Variants in ENTPD5 observed in about 807,000 individuals in gnomAD.
ENTPD5 encodes ectonucleoside triphosphate diphosphohydrolase 5 (inactive).
ENTPD5 carries 49 observed loss-of-function variants against 60.2 expected under a neutral mutation model. The observed-to-expected ratio is 0.81, with a 90% CI of 0.65 to 1.03. The LOEUF (loss-of-function observed/expected upper bound fraction) is 1.03. ENTPD5 is among the 50% of genes least tolerant of loss of function. The probability of loss-of-function intolerance (pLI) is 0.00; values close to 1 mark genes in which losing one functional copy is unlikely to be tolerated. For missense variants in ENTPD5, 480 were observed against 507.6 expected (o/e 0.95, Z 0.52); for synonymous variants, 187 against 185.4 (o/e 1.01, Z -0.07).
downstream of ENTPD5, chr14:73,961,956 C>G: frequency 6.3e-7 from 1 of 1,599,534 alleles, no homozygotes. Context: ...ATTTCTTTTG[C>G]TTTTTTTTGA....
chr14:74,008,228 G>A (rs374357558), intron 3 of ENTPD5, among the ~76,000 whole-genome samples: 2 of 152,100 alleles, frequency 1.3e-5, no homozygotes, highest in Non-Finnish European at 2.9e-5. Context: ...TCCTGGGGGA[G>A]GGATTGAACA....
chr14:73,960,658 AG>A, downstream of ENTPD5: 1 of 967,748 alleles, frequency 1.0e-6, no homozygotes, highest in Non-Finnish European at 1.3e-6. Flanking sequence ...CTCCGCTTTC[AG>A]GAAGTTCATA....
intron 3 of ENTPD5, 107 bp downstream of exon 3, chr14:74,010,984 T>A (rs1310260052): frequency 6.2e-6 from 1 of 162,282 alleles, no homozygotes; most frequent in Non-Finnish European, 1.3e-5. Flanking sequence ...CAGTGCCTTA[T>A]GGACCCTTTT....
At chr14:73,977,522 A>G (rs2057495734) in intron 6 of ENTPD5, 148 bp from the exon 7 acceptor site, 1 of 579,976 alleles carries the variant, frequency 1.7e-6, no homozygotes, top group Non-Finnish European at 3.0e-6. Flanking sequence ...GCCCTAAGAA[A>G]CTAGAGAAGA....
At chr14:74,013,157 A>G (rs921088601) in intron 2 of ENTPD5, among the ~76,000 whole-genome samples, 2 of 152,182 alleles carry the variant, frequency 1.3e-5, no homozygotes, top group African/African-American at 2.4e-5. Context: ...TGTAGTTCTA[A>G]TAAGTTACCA....
intron 3 of ENTPD5, among the ~76,000 whole-genome samples, chr14:74,002,940 C>T (rs905930626): frequency 1.3e-5 from 2 of 152,200 alleles, no homozygotes; most frequent in Non-Finnish European, 2.9e-5. Flanking sequence ...CTGACCTCTG[C>T]GCTTATTCAC....
In ENTPD5 at chr14:74,019,240, G is replaced by A. The variant is rs2059182714; in HGVS notation, c.-238+10C>T. The A allele has an allele frequency of 1.0e-5, 2 of 199,268 alleles. No individual in the cohort carries two copies. The highest frequency in any genetic ancestry group is 2.4e-5 in the African/African-American group (1 of 42,240). 12.3% of individuals were successfully genotyped at this position (199,268 alleles called of 1,614,324 possible). On this transcript the variant is annotated intron_variant, in intron 1 of 15. Transcript: ENST00000334696. ...AGAGGATCCGGCGCCGCCGACACTC[G>A]CACACTCACCGCGCGCGCGCCACCC...
intron 3 of ENTPD5, chr14:74,003,421 G>GA: frequency 9.7e-7 from 1 of 1,031,290 alleles, no homozygotes; most frequent in Non-Finnish European, 1.4e-6. Context: ...AGGAAAAAGC[G>GA]AATGTGCAGT....
intron 14 of ENTPD5, among the ~76,000 whole-genome samples, chr14:73,971,119 A>T (rs2057205402): frequency 6.6e-6 from 1 of 151,964 alleles, no homozygotes; most frequent in African/African-American, 2.4e-5. Context: ...GTAGAAGGAA[A>T]AAAAAGGTCT....
At chr14:74,005,284 AAAAAAG>A in intron 3 of ENTPD5, among the ~76,000 whole-genome samples, 2 of 124,610 alleles carry the variant, frequency 1.6e-5, no homozygotes, top group African/African-American at 5.7e-5. Context: ...AAAAAAAAGA[AAAAAAG>A]AAAAAAAGAA....
chr14:73,975,228 G>C (rs1465939644), intron 10 of ENTPD5, among the ~76,000 whole-genome samples: 3 of 151,914 alleles, frequency 2.0e-5, no homozygotes, highest in Non-Finnish European at 4.4e-5. Context: ...CAATTCCTAG[G>C]GTCCCACACT....
rs1056584556 is a variant in ENTPD5, at chr14:73,964,698, C to G, written c.*2230G>C. On this transcript the variant is annotated 3_prime_UTR_variant, in exon 16 of 16. Transcript: ENST00000334696. ...TAGTGTTCTGTGACTGGTCTGGCACCCTACTTTTGTTGACAAAGATGGGAA... is the reference window on the plus strand; with the variant it reads ...TAGTGTTCTGTGACTGGTCTGGCACGCTACTTTTGTTGACAAAGATGGGAA... The G allele has an allele frequency of 1.8e-4, 28 of 152,088 alleles. No individual in the cohort carries two copies. The highest frequency in any genetic ancestry group is 6.8e-4 in the African/African-American group (28 of 41,406). 9.4% of individuals were successfully genotyped at this position (152,088 alleles called of 1,614,324 possible).
rs894228191 is a variant in ENTPD5 at position 73,987,921 on chromosome 14, C to T, written c.182G>A (p.Arg61Gln). The T allele has an allele frequency of 8.7e-6, 14 of 1,614,136 alleles. No individual in the cohort carries two copies. The highest frequency in any genetic ancestry group is 2.2e-5 in the East Asian group (1 of 44,880). Residue 61 changes from arginine (R) to glutamine (Q), a missense_variant, in exon 4 of 16, where the codon CGA becomes CAA. By Grantham distance (43) the Arg-to-Gln change is conservative (BLOSUM62 1). Transcript: ENST00000334696. ...IMFDAGSTGT[R>Q]IHVYTFVQKM... Reference sequence around the variant, plus strand: ...CTGCACAAAGGTGTAAACATGAATTCGAGTTCCAGTGCTCCCTGCATCAAA... The same window carrying T: ...CTGCACAAAGGTGTAAACATGAATTTGAGTTCCAGTGCTCCCTGCATCAAA...
At chr14:74,016,437 G>C (rs2059019432) in intron 1 of ENTPD5, among the ~76,000 whole-genome samples, 1 of 152,176 alleles carries the variant, frequency 6.6e-6, no homozygotes, top group South Asian at 2.1e-4. Flanking sequence ...AGGAGTTCAA[G>C]ACCAGCCTAG....
rs2056914864 is a variant in ENTPD5 at position 73,964,981 on chromosome 14, A to ATTTC, written c.*1943_*1946dup. On this transcript the variant is annotated 3_prime_UTR_variant, in exon 16 of 16. Coordinates refer to ENST00000334696, the MANE Select transcript of ENTPD5 (RefSeq NM_001249.5). ...TCTGCACTGAGTACAACATTGGATT[A>ATTTC]TTTCTTTGGGCTGTTTCCAACTCAA... is the stretch of plus-strand genomic sequence containing the variant. 3 of 152,184 alleles carry ATTTC rather than the reference A, an allele frequency of 2.0e-5. No individual in the cohort carries two copies. Among genetic ancestry groups the ATTTC allele is most frequent in the East Asian group, 1.9e-4 (1 of 5,196 alleles). 9.4% of individuals were successfully genotyped at this position (152,184 alleles called of 1,614,324 possible).
At chr14:73,998,051 A>G (rs1305140733) in intron 3 of ENTPD5, among the ~76,000 whole-genome samples, 1 of 152,168 alleles carries the variant, frequency 6.6e-6, no homozygotes, top group Non-Finnish European at 1.5e-5. Context: ...TTACAGGCAG[A>G]AAGAATGAGG....
At chr14:73,971,138 T>G (rs2057206510) in intron 14 of ENTPD5, among the ~76,000 whole-genome samples, 1 of 150,122 alleles carries the variant, frequency 6.7e-6, no homozygotes, top group Admixed American at 6.8e-5. Context: ...CTTCACCATT[T>G]CCCTAAAGCC....
intron 3 of ENTPD5, chr14:73,996,546 T>G (rs1352767351): frequency 6.6e-6 from 1 of 151,082 alleles, no homozygotes; most frequent in African/African-American, 2.4e-5. Context: ...GGCATTCACC[T>G]GTCTAGTTAA....
intron 3 of ENTPD5, among the ~76,000 whole-genome samples, chr14:74,004,996 T>G (rs1450760222): frequency 1.3e-5 from 2 of 152,062 alleles, no homozygotes; most frequent in East Asian, 3.8e-4. Context: ...CATATATATA[T>G]TTCAATAAAC....
Sources: allele counts gnomAD v4.1 joint callset (sites outside exome capture counted in the v4.1 genomes callset), GRCh38; gene constraint gnomAD v4.1.1; transcripts MANE v1.5; gene names NCBI Gene and HGNC (gene_info 2026-07-23, HGNC 2026-07-21).